The following MRC1 variants were observed in gnomAD, a reference collection of about 807,000 sequenced individuals.
MRC1 encodes mannose receptor C-type 1, also known as macrophage mannose receptor 1.
In MRC1, 62 loss-of-function variants were observed where a neutral mutation model predicts 102.9. That is an observed-to-expected ratio of 0.60 (90% CI 0.49 to 0.74). The LOEUF is 0.74. MRC1 is among the 30% of genes least tolerant of loss of function. The pLI is 0.00. For missense variants in MRC1, 1,237 were observed against 862.8 expected, an observed-to-expected ratio of 1.43 and a Z score of -5.43; for synonymous variants, 457 against 298.4, an observed-to-expected ratio of 1.53 and a Z score of -5.48.
At chr10:17,830,915 G>A (rs1838560697) in intron 3 of MRC1, among the ~76,000 whole-genome samples, 1 of 150,740 alleles carries the variant, frequency 6.6e-6, no homozygotes. Flanking sequence ...TGGAGACAGA[G>A]TCTTGCTCTG....
rs781983885 is a variant in MRC1 at position 17,833,655 on chromosome 10, C to G, written c.638-20C>G. The stretch of plus-strand genomic sequence containing the variant: ...TTTTCTATGCATAATGAACCAAATT[C>G]CATCTGATTTCTTTCACAGTTGAGG... On this transcript the variant is annotated intron_variant, in intron 3 of 29. Coordinates refer to ENST00000569591, the MANE Select transcript of MRC1 (RefSeq NM_002438.4). The G allele has an allele frequency of 0.01, 7,819 of 780,928 alleles. 81 individuals are homozygous for G. Among genetic ancestry groups the G allele is most frequent in the African/African-American group, 0.038 (2,256 of 59,216 alleles). 48.4% of individuals were successfully genotyped at this position (780,928 alleles called of 1,614,324 possible). A position where few individuals can be genotyped will look rare whatever the true frequency, so the allele number is the denominator to read the frequency against.
intron 3 of MRC1, among the ~76,000 whole-genome samples, chr10:17,831,721 A>G (rs1479454078): frequency 2.6e-5 from 4 of 151,648 alleles, no homozygotes; most frequent in African/African-American, 9.8e-5. Flanking sequence ...ATTACTTCAC[A>G]TGGCTTGTAA....
chr10:17,890,717 G>A (rs1344339731), intron 22 of MRC1, among the ~76,000 whole-genome samples: 1 of 152,150 alleles, frequency 6.6e-6, no homozygotes, highest in Non-Finnish European at 1.5e-5. Context: ...CTTTTAGTGT[G>A]TCTTATATTT....
intron 22 of MRC1, among the ~76,000 whole-genome samples, chr10:17,893,348 G>C (rs1181461084): frequency 6.6e-6 from 1 of 152,050 alleles, no homozygotes; most frequent in Non-Finnish European, 1.5e-5. Flanking sequence ...GTAGAGTTGA[G>C]GTCTCCCTAT....
chr10:17,903,925 C>T (rs968945574), intron 26 of MRC1, among the ~76,000 whole-genome samples: 6 of 151,670 alleles, frequency 4.0e-5, no homozygotes, highest in Admixed American at 1.3e-4. Flanking sequence ...CACTGCACTC[C>T]AGCCTGGGCA....
intron 16 of MRC1, among the ~76,000 whole-genome samples, chr10:17,874,417 CT>C (rs1833397941): frequency 6.6e-6 from 1 of 152,198 alleles, no homozygotes; most frequent in Admixed American, 6.5e-5. Flanking sequence ...CATAAGGATA[CT>C]TGTTACTACA....
intron 1 of MRC1, among the ~76,000 whole-genome samples, chr10:17,812,042 G>A (rs996698441): frequency 5.3e-5 from 8 of 152,162 alleles, no homozygotes; most frequent in Admixed American, 2.0e-4. Context: ...CCCATGGGAA[G>A]GTCTCCCTAC....
At chr10:17,867,352 T>TCTC (rs1833288095) in intron 12 of MRC1, among the ~76,000 whole-genome samples, 1 of 126,876 alleles carries the variant, frequency 7.9e-6, no homozygotes, top group African/African-American at 3.2e-5. Flanking sequence ...CTCCTCTTCT[T>TCTC]CTTCTCCTTC....
chr10:17,846,691 G>A (rs1838830663), intron 6 of MRC1, among the ~76,000 whole-genome samples: 1 of 152,034 alleles, frequency 6.6e-6, no homozygotes, highest in African/African-American at 2.4e-5. Context: ...ACTATAATAT[G>A]TTTTTATCCT....
intron 10 of MRC1, 132 bp downstream of exon 10, chr10:17,861,634 T>C: frequency 1.6e-6 from 1 of 618,466 alleles, no homozygotes; most frequent in Non-Finnish European, 2.9e-6. Context: ...GATAGAAGCA[T>C]TAAAAATAAT....
At chr10:17,847,088 A>G (rs1838837130) in intron 6 of MRC1, among the ~76,000 whole-genome samples, 1 of 152,174 alleles carries the variant, frequency 6.6e-6, no homozygotes, top group Non-Finnish European at 1.5e-5. Context: ...GACGGTGGGT[A>G]TCTTTAGAGA....
intron 29 of MRC1, among the ~76,000 whole-genome samples, chr10:17,909,889 A>G (rs912048586): frequency 6.6e-6 from 1 of 151,834 alleles, no homozygotes; most frequent in Non-Finnish European, 1.5e-5. Flanking sequence ...AATTATTATC[A>G]TTACTAATCT....
chr10:17,871,969 G>A lies in MRC1; in HGVS notation c.2200-13G>A, dbSNP rs993537327. On this transcript the variant is annotated splice_polypyrimidine_tract_variant and intron_variant, in intron 14 of 29. Coordinates refer to ENST00000569591, the MANE Select transcript of MRC1 (RefSeq NM_002438.4). The stretch of plus-strand genomic sequence containing the variant: ...AAATGGTTAATGGTTGTAGTTTAAT[G>A]TTTCTAATATAGGTTTCATATGAAA... 1 of 779,978 alleles carries A rather than the reference G, an allele frequency of 1.3e-6. No homozygotes were observed. The highest frequency in any genetic ancestry group is 2.4e-5 in the East Asian group (1 of 41,216). The allele number at this position is 779,978 out of a possible 1,614,324, so 48.3% of individuals were successfully genotyped here.
intron 22 of MRC1, 150 bp downstream of exon 22, chr10:17,885,585 C>G: frequency 1.5e-6 from 1 of 662,180 alleles, no homozygotes; most frequent in Admixed American, 2.6e-5. Flanking sequence ...ACTGAGCTGA[C>G]TTTGAGAGAG....
chr10:17,886,283 TCTTCCTTCCTTC>T (rs537058208), intron 22 of MRC1, among the ~76,000 whole-genome samples: 5 of 144,780 alleles, frequency 3.5e-5, no homozygotes, highest in South Asian at 2.2e-4. Context: ...ATGGGTGTTT[TCTTCCTTCCTTC>T]CTTCCTTCCT....
At chr10:17,864,036 T>G (rs1431595590) in intron 11 of MRC1, among the ~76,000 whole-genome samples, 1 of 152,178 alleles carries the variant, frequency 6.6e-6, no homozygotes, top group Non-Finnish European at 1.5e-5. Flanking sequence ...AGAGCCTCAC[T>G]CGGTTGCCCA....
intron 8 of MRC1, chr10:17,854,807 G>A: frequency 5.8e-6 from 1 of 173,110 alleles, no homozygotes. Context: ...TCCTGCCTCA[G>A]CCTCCCGAGT....
rs1833903949 is a variant in MRC1 at position 17,906,976 on chromosome 10, T to C, written c.3890T>C (p.Ile1297Thr). The C allele has an allele frequency of 1.3e-6, 1 of 791,000 alleles. No individual in the cohort carries two copies. Among genetic ancestry groups the C allele is most frequent in the Non-Finnish European group, 2.3e-6 (1 of 427,252 alleles). 49.0% of individuals were successfully genotyped at this position (791,000 alleles called of 1,614,324 possible). The change falls in exon 27 of 30, where the codon ATA becomes ACA. Residue 1297 changes from isoleucine to threonine, a missense_variant. Physicochemically the swap from Ile to Thr is moderately conservative, Grantham distance 89. Coordinates refer to ENST00000569591, the MANE Select transcript of MRC1 (RefSeq NM_002438.4). ...EPLKSKTNFWIGLFRNVEGTW... is the reference protein window; with the variant it reads ...EPLKSKTNFWTGLFRNVEGTW... ...CTTAAAAGTAAAACCAATTTTTGGA[T>C]AGGATTGTTCAGAAATGTTGAAGGT... is the stretch of plus-strand genomic sequence containing the variant.
intron 22 of MRC1, among the ~76,000 whole-genome samples, chr10:17,886,283 TCTTCCTTCCTTCCTTC>T (rs537058208): frequency 2.1e-5 from 3 of 144,782 alleles, no homozygotes; most frequent in East Asian, 2.0e-4. Context: ...ATGGGTGTTT[TCTTCCTTCCTTCCTTC>T]CTTCCTTCCT....
Sources: allele counts gnomAD v4.1 joint callset (sites outside exome capture counted in the v4.1 genomes callset), GRCh38; gene constraint gnomAD v4.1.1; transcripts MANE v1.5; gene names NCBI Gene and HGNC (gene_info 2026-07-23, HGNC 2026-07-21).